ITK: variants seen among roughly 807,000 people sequenced by gnomAD.
ITK encodes IL2 inducible T cell kinase.
ITK carries 45 observed loss-of-function variants against 87.6 expected under a neutral mutation model. The observed-to-expected ratio is 0.51, with a 90% CI of 0.40 to 0.66. The LOEUF is 0.66. Among genes scored for constraint, ITK ranks in the 30% least tolerant of loss-of-function variants. The pLI is 0.00. For missense variants in ITK, 605 were observed against 766.3 expected, an observed-to-expected ratio of 0.79 and a Z score of 2.48; for synonymous variants, 303 against 273.6, an observed-to-expected ratio of 1.11 and a Z score of -1.06.
At chr5:157,191,811 A>G (rs1043036664) in intron 1 of ITK, among the ~76,000 whole-genome samples, 2 of 152,222 alleles carry the variant, frequency 1.3e-5, no homozygotes, top group Non-Finnish European at 2.9e-5. Context: ...GTTTCCAGGT[A>G]TAATGAAAAC....
In ITK at chr5:157,232,320, T is replaced by C. The variant is rs1754673141; in HGVS notation, c.714-20T>C. 3 of 1,577,686 alleles carry C rather than the reference T, an allele frequency of 1.9e-6. No individual in the cohort carries two copies. Among genetic ancestry groups the C allele is most frequent in the Non-Finnish European group, 2.6e-6 (3 of 1,147,624 alleles). ...AACTTTAAAATATGTCATTGACATA[T>C]GACTTTTCCTTGCTTTCAGGTGGTA... On this transcript the variant is annotated intron_variant, in intron 7 of 16. Transcript: ENST00000422843.
chr5:157,230,978 C>T (rs768247819), intron 7 of ITK, among the ~76,000 whole-genome samples: 2 of 152,218 alleles, frequency 1.3e-5, no homozygotes, highest in African/African-American at 2.4e-5. Flanking sequence ...TACAAGCAAA[C>T]ATTCAGATAT....
chr5:157,254,500 T>C lies in ITK; in HGVS notation c.*1822T>C, dbSNP rs574892007. 1.5e-4 allele frequency: 34 copies of C among 220,428 alleles called. No individual in the cohort carries two copies. Among genetic ancestry groups the C allele is most frequent in the African/African-American group, 6.0e-4 (27 of 44,722 alleles). 13.7% of individuals were successfully genotyped at this position (220,428 alleles called of 1,614,324 possible). A position where few individuals can be genotyped will look rare whatever the true frequency, so the allele number is the denominator to read the frequency against. ...TCATGAGGAGGGACATTCCCTGATATAAGAGAGGATGGTGTTGCAATTGGC... is the reference window on the plus strand; with the variant it reads ...TCATGAGGAGGGACATTCCCTGATACAAGAGAGGATGGTGTTGCAATTGGC... On this transcript the variant is annotated 3_prime_UTR_variant, in exon 17 of 17. Coordinates refer to ENST00000422843, the MANE Select transcript of ITK (RefSeq NM_005546.4).
chr5:157,197,964 A>C (rs1753884261), intron 1 of ITK, among the ~76,000 whole-genome samples: 1 of 152,116 alleles, frequency 6.6e-6, no homozygotes, highest in South Asian at 2.1e-4. Context: ...ACTGTTTTTA[A>C]TATTATAAAA....
At position 157,248,831 on chromosome 5, in the gene ITK, T is replaced by G; in HGVS notation, c.1634-19T>G. On this transcript the variant is annotated intron_variant, in intron 15 of 16. Coordinates refer to ENST00000422843, the MANE Select transcript of ITK (RefSeq NM_005546.4). Reference sequence around the variant, plus strand: ...GTGGGCTTTGTCATTCACTGTGCTGTGCTCACCATTTCTTGTAGGTGTGCT... The same window carrying G: ...GTGGGCTTTGTCATTCACTGTGCTGGGCTCACCATTTCTTGTAGGTGTGCT... 1 of 1,613,960 alleles carries G rather than the reference T, an allele frequency of 6.2e-7. No homozygotes were observed. Among genetic ancestry groups the G allele is most frequent in the Non-Finnish European group, 8.5e-7 (1 of 1,179,860 alleles).
At chr5:157,207,117 T>A (rs1260031926) in intron 1 of ITK, among the ~76,000 whole-genome samples, 1 of 152,152 alleles carries the variant, frequency 6.6e-6, no homozygotes, top group Non-Finnish European at 1.5e-5. Flanking sequence ...TCATCTGAAA[T>A]GCTATGATAG....
At chr5:157,224,767 T>C (rs1488508389) in intron 6 of ITK, among the ~76,000 whole-genome samples, 35 of 152,118 alleles carry the variant, frequency 2.3e-4, no homozygotes, top group Admixed American at 2.3e-3. Flanking sequence ...GGAGACAGAA[T>C]GAGAATCCAT....
chr5:157,215,858 T>C (rs1415164150), intron 4 of ITK, among the ~76,000 whole-genome samples: 2 of 152,248 alleles, frequency 1.3e-5, no homozygotes, highest in Non-Finnish European at 2.9e-5. Flanking sequence ...TCACCATGCA[T>C]GCTGCAGCTA....
chr5:157,201,210 C>A (rs1753965734), intron 1 of ITK, among the ~76,000 whole-genome samples: 1 of 151,384 alleles, frequency 6.6e-6, no homozygotes, highest in Non-Finnish European at 1.5e-5. Flanking sequence ...TGCAAAAAGT[C>A]ATCTATGAAA....
chr5:157,233,928 G>GATATATATAT (rs1554102416), intron 8 of ITK, among the ~76,000 whole-genome samples: 11 of 45,542 alleles, frequency 2.4e-4, no homozygotes, highest in South Asian at 1.1e-3. Flanking sequence ...CCTCCTTACT[G>GATATATATAT]ATACATATAT....
At chr5:157,226,493 C>T (rs1754534062) in intron 6 of ITK, among the ~76,000 whole-genome samples, 1 of 152,208 alleles carries the variant, frequency 6.6e-6, no homozygotes, top group Non-Finnish European at 1.5e-5. Context: ...AATAAGCTGA[C>T]TTTCTTCCGT....
intron 1 of ITK, among the ~76,000 whole-genome samples, chr5:157,185,443 A>G (rs890929021): frequency 2.0e-5 from 3 of 151,924 alleles, no homozygotes; most frequent in Non-Finnish European, 4.4e-5. Context: ...GGGTTTCACC[A>G]TATTGGCCAG....
chr5:157,220,778 T>C (rs30157), intron 5 of ITK, among the ~76,000 whole-genome samples: 107,824 of 152,192 alleles, frequency 0.71, 38,727 homozygotes, highest in East Asian at 0.98. Context: ...TTTTGTAAGG[T>C]TCCTTTTGTT....
chr5:157,223,112 A>G, intron 6 of ITK, 98 bp downstream of exon 6: 1 of 1,402,882 alleles, frequency 7.1e-7, no homozygotes, highest in Non-Finnish European at 1.0e-6. Context: ...GTGTAACCAC[A>G]GCACTGAGGT....
intron 1 of ITK, among the ~76,000 whole-genome samples, chr5:157,192,567 A>G (rs2113740640): frequency 6.6e-6 from 1 of 152,352 alleles, no homozygotes; most frequent in South Asian, 2.1e-4. Flanking sequence ...TCTGGGATTT[A>G]GCTTTCTTGT....
Position 157,228,377 on chromosome 5 carries a change from T to C in ITK, c.713+16T>C. 4 of 1,499,624 alleles carry C rather than the reference T, an allele frequency of 2.7e-6. No homozygotes were observed. The highest frequency in any genetic ancestry group is 3.7e-6 in the Non-Finnish European group (4 of 1,075,932). The allele number at this position is 1,499,624 out of a possible 1,614,324, so 92.9% of individuals were successfully genotyped here. ...AAACCTATGAGTAAGATATTTTATT[T>C]GTTTTTGGAAAATACAGTCCTAAGG... On this transcript the variant is annotated intron_variant, in intron 7 of 16. Coordinates refer to ENST00000422843, the MANE Select transcript of ITK (RefSeq NM_005546.4).
chr5:157,211,111 G>T (rs1214573026), intron 2 of ITK, among the ~76,000 whole-genome samples, 176 bp from the exon 3 acceptor site: 1 of 152,080 alleles, frequency 6.6e-6, no homozygotes, highest in African/African-American at 2.4e-5. Flanking sequence ...TGCTTACCCT[G>T]TGTTTTTGTA....
At chr5:157,191,421 T>G (rs1211049951) in intron 1 of ITK, among the ~76,000 whole-genome samples, 1 of 152,194 alleles carries the variant, frequency 6.6e-6, no homozygotes, top group African/African-American at 2.4e-5. Context: ...CTTTGATTAA[T>G]CTCAAGACAG....
At chr5:157,248,723 T>C (rs1300466477) in intron 15 of ITK, 127 bp from the exon 16 acceptor site, 37 of 1,061,972 alleles carry the variant, frequency 3.5e-5, no homozygotes, top group Non-Finnish European at 1.4e-6. Flanking sequence ...TCAGGTAGAC[T>C]TGATGCACTT....
Sources: allele counts gnomAD v4.1 joint callset (sites outside exome capture counted in the v4.1 genomes callset), GRCh38; gene constraint gnomAD v4.1.1; transcripts MANE v1.5; gene names NCBI Gene and HGNC (gene_info 2026-07-23, HGNC 2026-07-21).